The following ACYP2 variants were observed in gnomAD, a reference collection of about 807,000 sequenced individuals.
The protein encoded by ACYP2 is acylphosphatase 2, also known as acylphosphatase-2.
ACYP2 carries 12 observed loss-of-function variants against 11.2 expected under a neutral mutation model. The observed-to-expected ratio is 1.08, with a 90% CI of 0.69 to 1.74. ACYP2 has a LOEUF of 1.74. Ranked by LOEUF, ACYP2 falls within the 40% of genes most tolerant of loss-of-function variation. The probability of loss-of-function intolerance (pLI) is 0.00; values close to 1 mark genes in which losing one functional copy is unlikely to be tolerated. For synonymous variants in ACYP2, 43 were observed against 32.2 expected (o/e 1.33, Z -1.13); for missense variants, 134 against 101.9 (o/e 1.31, Z -1.35).
rs1186380146 is a variant in ACYP2, at chr2:54,017,267, CTTTTCT to C, written c.63-33686_63-33681del. ...TTGGCCGTTAAGTTTCTTTTCTTTT[CTTTTCT>C]TTTTTTTTTTTTTTTGAGACAGAGT... On this transcript the variant is annotated intron_variant, in intron 2 of 6. Transcript: ENST00000607452. Among the ~76,000 whole-genome samples the C allele has an allele frequency of 1.0e-4, 12 of 119,736 alleles. No homozygotes were observed. In the East Asian group the frequency reaches 2.3e-3, roughly 23 times the overall value. 78.6% of individuals were successfully genotyped at this position (119,736 alleles called of 152,430 possible). A position where few individuals can be genotyped will look rare whatever the true frequency, so the allele number is the denominator to read the frequency against.
rs58842257 is a variant in ACYP2, at chr2:54,102,638, C to CAAAAAAAAAAAAAAAAA, written c.278-32795_278-32779dup. Among the ~76,000 whole-genome samples, 14 of 83,304 alleles carry CAAAAAAAAAAAAAAAAA rather than the reference C, an allele frequency of 1.7e-4. 2 individuals carry two copies. Among genetic ancestry groups the CAAAAAAAAAAAAAAAAA allele is most frequent in the African/African-American group, 4.1e-4 (7 of 17,130 alleles). The allele number at this position is 83,304 out of a possible 152,430, so 54.7% of individuals were successfully genotyped here. A position where few individuals can be genotyped will look rare whatever the true frequency, so the allele number is the denominator to read the frequency against. ...AAACCCAATTTAAGCTGGCTTAAGC[C>CAAAAAAAAAAAAAAAAA]AAAAAAAAAAAAAAAAAAAAAAAAA... On this transcript the variant is annotated intron_variant, in intron 4 of 6. Coordinates refer to ENST00000607452, the MANE Select transcript of ACYP2 (RefSeq NM_001320586.2).
intron 4 of ACYP2, among the ~76,000 whole-genome samples, chr2:54,091,133 TCTTAA>T (rs1678201051): frequency 6.6e-6 from 1 of 152,248 alleles, no homozygotes; most frequent in African/African-American, 2.4e-5. Context: ...TTATTTTATG[TCTTAA>T]CTCAACATTT....
intron 4 of ACYP2, among the ~76,000 whole-genome samples, chr2:54,095,217 C>G (rs1402473666): frequency 6.6e-6 from 1 of 152,208 alleles, no homozygotes; most frequent in Non-Finnish European, 1.5e-5. Flanking sequence ...GGTCACAGAT[C>G]AACAGGATCC....
intron 2 of ACYP2, among the ~76,000 whole-genome samples, chr2:54,025,923 C>T (rs1185933702): frequency 6.6e-6 from 1 of 152,142 alleles, no homozygotes; most frequent in Non-Finnish European, 1.5e-5. Context: ...TTGAGAGCAG[C>T]CTGGCCAACA....
chr2:54,272,340 T>A (rs564264332), intron 6 of ACYP2, among the ~76,000 whole-genome samples: 1 of 152,174 alleles, frequency 6.6e-6, no homozygotes, highest in African/African-American at 2.4e-5. Flanking sequence ...AGGAGCTGCA[T>A]TGACCATGAA....
At chr2:54,110,675 G>A (rs959851835) in intron 4 of ACYP2, among the ~76,000 whole-genome samples, 1 of 152,044 alleles carries the variant, frequency 6.6e-6, no homozygotes, top group Non-Finnish European at 1.5e-5. Context: ...CCCACCTCAG[G>A]ATCCAGAGTA....
At chr2:54,151,951 A>C (rs1247661848) in intron 6 of ACYP2, among the ~76,000 whole-genome samples, 2 of 152,192 alleles carry the variant, frequency 1.3e-5, no homozygotes, top group East Asian at 1.9e-4. Flanking sequence ...AATTGAGTGG[A>C]AACTACAGAG....
rs1558608831 is a variant in ACYP2, at chr2:54,201,638, C to CTTTCTTTGTTTCTT, written c.404+62897_404+62898insGTTTCTTTTTCTTT. ...TTTCTTTCTTTGTTTCTTTCTTTCT[C>CTTTCTTTGTTTCTT]TTTCTTTCTTTCTTTCTTTCTTTCT... is the stretch of plus-strand genomic sequence containing the variant. On this transcript the variant is annotated intron_variant, in intron 6 of 6. Coordinates refer to ENST00000607452, the MANE Select transcript of ACYP2 (RefSeq NM_001320586.2). Among the ~76,000 whole-genome samples, 478 of 59,770 alleles carry CTTTCTTTGTTTCTT rather than the reference C, an allele frequency of 8.0e-3. 8 individuals are homozygous for CTTTCTTTGTTTCTT. The highest frequency in any genetic ancestry group is 0.017 in the South Asian group (30 of 1,758). 39.2% of individuals were successfully genotyped at this position (59,770 alleles called of 152,430 possible).
chr2:54,226,405 G>A (rs1686013278), intron 6 of ACYP2, among the ~76,000 whole-genome samples: 1 of 152,172 alleles, frequency 6.6e-6, no homozygotes. Flanking sequence ...TCCTGAAAGG[G>A]CAGAGTCAGG....
intron 2 of ACYP2, among the ~76,000 whole-genome samples, chr2:53,994,319 G>C (rs2104521649): frequency 1.1e-5 from 1 of 94,326 alleles, no homozygotes; most frequent in South Asian, 4.1e-4. Context: ...AACAGAGCAA[G>C]ACTCCGTCTC....
chr2:54,098,478 A>G (rs995052951), intron 4 of ACYP2, among the ~76,000 whole-genome samples: 2 of 152,104 alleles, frequency 1.3e-5, no homozygotes, highest in Non-Finnish European at 2.9e-5. Context: ...AATGTCCTAT[A>G]TTCTGGATTT....
chr2:54,090,498 G>A (rs552862857), intron 4 of ACYP2, among the ~76,000 whole-genome samples: 1 of 152,310 alleles, frequency 6.6e-6, no homozygotes, highest in East Asian at 1.9e-4. Flanking sequence ...GGGCGGGGTG[G>A]CGTGCGCCTG....
At chr2:54,126,870 G>C in intron 4 of ACYP2, among the ~76,000 whole-genome samples, 1 of 151,260 alleles carries the variant, frequency 6.6e-6, no homozygotes, top group East Asian at 2.0e-4. Flanking sequence ...AGGAGAATAA[G>C]TTGGACCCGG....
At chr2:54,087,920 G>T (rs1486071436) in intron 4 of ACYP2, among the ~76,000 whole-genome samples, 1 of 152,152 alleles carries the variant, frequency 6.6e-6, no homozygotes, top group Non-Finnish European at 1.5e-5. Context: ...ATAAAAAGTG[G>T]CAGGGGAAGA....
intron 6 of ACYP2, among the ~76,000 whole-genome samples, chr2:54,186,777 G>A (rs1684023303): frequency 6.6e-6 from 1 of 152,116 alleles, no homozygotes; most frequent in Admixed American, 6.5e-5. Context: ...GCCTCCCCAA[G>A]TGTTGGCATT....
intron 6 of ACYP2, among the ~76,000 whole-genome samples, chr2:54,153,329 G>A (rs1346602707): frequency 6.6e-6 from 1 of 151,768 alleles, no homozygotes; most frequent in Non-Finnish European, 1.5e-5. Context: ...CTGTTCCATT[G>A]GATGATGTTT....
At chr2:54,001,375 A>C (rs190334534) in intron 2 of ACYP2, among the ~76,000 whole-genome samples, 19 of 152,298 alleles carry the variant, frequency 1.2e-4, no homozygotes, top group Non-Finnish European at 2.5e-4. Flanking sequence ...CTCTAAAAAA[A>C]AATAACAAAT....
At position 54,022,004 on chromosome 2, in the gene ACYP2, C is replaced by A. The variant is rs546269741; in HGVS notation, c.63-28954C>A. 1.1e-3 allele frequency among the ~76,000 whole-genome samples: 173 copies of A among 152,234 alleles called. 2 individuals are homozygous for A. Among genetic ancestry groups the A allele is most frequent in the South Asian group, 6.8e-3 (33 of 4,818 alleles). On this transcript the variant is annotated intron_variant, in intron 2 of 6. Coordinates refer to ENST00000607452, the MANE Select transcript of ACYP2 (RefSeq NM_001320586.2). Reference sequence around the variant, plus strand: ...TAAAAAAATGACCCCTAGAGAAATCCCTATCATCTTACCAGTGGTATTACT... The same window carrying A: ...TAAAAAAATGACCCCTAGAGAAATCACTATCATCTTACCAGTGGTATTACT...
chr2:54,076,434 G>A (rs931516208), intron 4 of ACYP2, among the ~76,000 whole-genome samples: 1 of 152,142 alleles, frequency 6.6e-6, no homozygotes, highest in African/African-American at 2.4e-5. Context: ...ATGGAAGATC[G>A]CACTGCTAGT....
Sources: gnomAD v4.1 joint callset for allele counts (sites outside exome capture counted in the v4.1 genomes callset) on GRCh38, gnomAD v4.1.1 for gene constraint, MANE v1.5 for transcripts, NCBI Gene and HGNC (gene_info 2026-07-23, HGNC 2026-07-21) for gene names.